NMNAT2: variants seen among roughly 807,000 people sequenced by gnomAD.
The protein encoded by NMNAT2 is nicotinamide/nicotinic acid mononucleotide adenylyltransferase 2.
NMNAT2 carries 11 observed loss-of-function variants against 41.6 expected under a neutral mutation model. The observed-to-expected ratio is 0.26, with a 90% confidence interval of 0.17 to 0.44. The LOEUF (loss-of-function observed/expected upper bound fraction) is 0.44. Among genes scored for constraint, NMNAT2 ranks in the 20% least tolerant of loss-of-function variants. The pLI, the probability that NMNAT2 is intolerant of heterozygous loss-of-function variation, is 1.00. For synonymous variants in NMNAT2, 148 were observed against 151.2 expected, an observed-to-expected ratio of 0.98 and a Z score of 0.16; for missense variants, 288 against 407.7, an observed-to-expected ratio of 0.71 and a Z score of 2.53.
intron 1 of NMNAT2, among the ~76,000 whole-genome samples, chr1:183,341,134 G>A (rs1189745239): frequency 6.6e-6 from 1 of 152,168 alleles, no homozygotes; most frequent in African/African-American, 2.4e-5. Flanking sequence ...TAATAGCCAG[G>A]TTGGCTAAGA....
intron 1 of NMNAT2, among the ~76,000 whole-genome samples, chr1:183,364,524 G>T (rs1663372850): frequency 1.3e-5 from 2 of 152,304 alleles, no homozygotes; most frequent in Admixed American, 1.3e-4. Flanking sequence ...AAATACAATA[G>T]ATTTGTAAAT....
At chr1:183,413,772 A>G (rs1358226583) in intron 1 of NMNAT2, among the ~76,000 whole-genome samples, 1 of 150,018 alleles carries the variant, frequency 6.7e-6, no homozygotes, top group Non-Finnish European at 1.5e-5. Context: ...ACGCCCAGCT[A>G]ATTTTTTTGT....
intron 1 of NMNAT2, among the ~76,000 whole-genome samples, chr1:183,386,207 T>C (rs1648236991): frequency 6.6e-6 from 1 of 152,086 alleles, no homozygotes; most frequent in East Asian, 1.9e-4. Context: ...TTAAAAGTCA[T>C]GGAAGATCTG....
intron 1 of NMNAT2, among the ~76,000 whole-genome samples, chr1:183,407,126 A>C (rs1333559655): frequency 2.0e-5 from 3 of 152,132 alleles, no homozygotes; most frequent in Non-Finnish European, 2.9e-5. Context: ...CTGATCTGCC[A>C]TTCTTAAACC....
chr1:183,302,612 C>A (rs1241012156), intron 1 of NMNAT2, among the ~76,000 whole-genome samples: 1 of 152,156 alleles, frequency 6.6e-6, no homozygotes, highest in Non-Finnish European at 1.5e-5. Flanking sequence ...ACCAACCATG[C>A]CCCTAACTAC....
intron 1 of NMNAT2, among the ~76,000 whole-genome samples, chr1:183,350,605 T>C (rs981514759): frequency 6.6e-6 from 1 of 152,240 alleles, no homozygotes; most frequent in Non-Finnish European, 1.5e-5. Context: ...CCTGGAATAC[T>C]TGAGTGAACA....
chr1:183,400,980 A>T (rs1007385990), intron 1 of NMNAT2, among the ~76,000 whole-genome samples: 1 of 152,192 alleles, frequency 6.6e-6, no homozygotes, highest in African/African-American at 2.4e-5. Context: ...AACCTAGGCA[A>T]TACCATTCAG....
intron 7 of NMNAT2, among the ~76,000 whole-genome samples, chr1:183,281,804 A>G (rs1661276829): frequency 6.6e-6 from 1 of 152,216 alleles, no homozygotes; most frequent in Non-Finnish European, 1.5e-5. Flanking sequence ...CTAGGAGAAA[A>G]TGGCTTTTCC....
At chr1:183,253,074 A>C (rs1405684127) in intron 10 of NMNAT2, among the ~76,000 whole-genome samples, 1 of 152,108 alleles carries the variant, frequency 6.6e-6, no homozygotes, top group African/African-American at 2.4e-5. Context: ...TATGCAAAGC[A>C]CTTAGAAGAG....
intron 1 of NMNAT2, among the ~76,000 whole-genome samples, chr1:183,385,731 A>G (rs547617160): frequency 6.6e-6 from 1 of 152,296 alleles, no homozygotes; most frequent in African/African-American, 2.4e-5. Context: ...GAATGTGTGT[A>G]CATAGCTGGA....
intron 7 of NMNAT2, chr1:183,283,576 T>G: frequency 3.3e-6 from 1 of 301,042 alleles, no homozygotes; most frequent in Non-Finnish European, 6.5e-6. Context: ...GCAAGGGAGG[T>G]GTGGAGGTGG....
intron 1 of NMNAT2, among the ~76,000 whole-genome samples, chr1:183,399,591 TG>T (rs1194010036): frequency 6.6e-6 from 1 of 152,134 alleles, no homozygotes; most frequent in East Asian, 1.9e-4. Context: ...TACCAAAGCC[TG>T]GCAGAGACAC....
At chr1:183,341,748 CCTG>C (rs1428777141) in intron 1 of NMNAT2, among the ~76,000 whole-genome samples, 2 of 79,794 alleles carry the variant, frequency 2.5e-5, no homozygotes, top group Non-Finnish European at 4.9e-5. Flanking sequence ...AAAAAAAAAA[CCTG>C]TTTCCTTCAC....
chr1:183,359,449 G>A (rs913084204), intron 1 of NMNAT2, among the ~76,000 whole-genome samples: 9 of 152,190 alleles, frequency 5.9e-5, no homozygotes, highest in Non-Finnish European at 1.2e-4. Flanking sequence ...CTGGTTGCAT[G>A]TGGGATGGGA....
rs183707011 is a variant in NMNAT2 at position 183,409,429 on chromosome 1, A to T, written c.85+8754T>A. 1.2e-3 allele frequency among the ~76,000 whole-genome samples: 178 copies of T among 152,042 alleles called. 1 individual carries two copies. Among genetic ancestry groups the T allele is most frequent in the African/African-American group, 3.8e-3 (156 of 41,478 alleles). On this transcript the variant is annotated intron_variant, in intron 1 of 10. Coordinates refer to ENST00000287713, the MANE Select transcript of NMNAT2 (RefSeq NM_015039.4). ...CCTCATGGGCTCAAGCCATCCTCCC[A>T]CCTCAGCCTCCAGAGTAGCTGGGAC...
At chr1:183,299,710 G>C (rs914646794) in intron 1 of NMNAT2, among the ~76,000 whole-genome samples, 2 of 152,080 alleles carry the variant, frequency 1.3e-5, no homozygotes, top group African/African-American at 4.8e-5. Flanking sequence ...CAGGGGTTAG[G>C]GATGGTGGGT....
intron 1 of NMNAT2, among the ~76,000 whole-genome samples, chr1:183,360,328 G>A (rs1663280680): frequency 6.6e-6 from 1 of 152,026 alleles, no homozygotes; most frequent in African/African-American, 2.4e-5. Flanking sequence ...GATGGAAGCT[G>A]CACAGCCTAC....
At chr1:183,351,322 T>A (rs1663042362) in intron 1 of NMNAT2, among the ~76,000 whole-genome samples, 1 of 152,186 alleles carries the variant, frequency 6.6e-6, no homozygotes, top group South Asian at 2.1e-4. Context: ...ATTCTTCATA[T>A]GGGCCACAGG....
chr1:183,327,227 T>G (rs567327811), intron 1 of NMNAT2, among the ~76,000 whole-genome samples: 1 of 152,210 alleles, frequency 6.6e-6, no homozygotes, highest in South Asian at 2.1e-4. Flanking sequence ...ATTTTTGTAT[T>G]TTTAGTAGAG....
Sources: gnomAD v4.1 joint callset for allele counts (sites outside exome capture counted in the v4.1 genomes callset) on GRCh38, gnomAD v4.1.1 for gene constraint, MANE v1.5 for transcripts, NCBI Gene and HGNC (gene_info 2026-07-23, HGNC 2026-07-21) for gene names.